The following DAB1 variants were observed in gnomAD, a reference collection of about 807,000 sequenced individuals.
DAB1 encodes DAB adaptor protein 1, also known as disabled homolog 1.
In DAB1, 15 loss-of-function variants were observed where a neutral mutation model predicts 64.6. The ratio of observed to expected loss-of-function variants is 0.23; its 90% CI spans 0.16 to 0.36. The LOEUF (loss-of-function observed/expected upper bound fraction) is 0.36, where lower values mean the gene tolerates loss of function less well. Among genes scored for constraint, DAB1 ranks in the 10% least tolerant of loss-of-function variants. The pLI is 1.00. For synonymous variants in DAB1, 235 were observed against 251.9 expected (o/e 0.93, Z 0.64); for missense variants, 596 against 706.7 (o/e 0.84, Z 1.78).
chr1:57,165,250 G>T (rs11206985), intron 2 of DAB1, among the ~76,000 whole-genome samples: 9,669 of 149,228 alleles, frequency 0.065, 853 homozygotes, highest in African/African-American at 0.2. Context: ...GAAAAAATAG[G>T]TTTTTTTTTT....
intron 4 of DAB1, among the ~76,000 whole-genome samples, chr1:57,102,157 C>T (rs1416625684): frequency 1.3e-5 from 2 of 152,178 alleles, no homozygotes; most frequent in African/African-American, 4.8e-5. Flanking sequence ...TAAAGGTCCC[C>T]GGAGGGTCTT....
At position 57,202,994 on chromosome 1, in the gene DAB1, T is replaced by C. The variant is rs529668913; in HGVS notation, c.68-57565A>G. 3.9e-5 allele frequency among the ~76,000 whole-genome samples: 6 copies of C among 152,328 alleles called. No individual in the cohort carries two copies. The South Asian group carries it at 1.2e-3, about 32-fold the overall frequency. ...GTCACTTCAGATAAATGCATGTTAG[T>C]AACTCCTGAAAGGGGGTTTAAGTTG... is the stretch of plus-strand genomic sequence containing the variant. On this transcript the variant is annotated intron_variant, in intron 2 of 14. Transcript: ENST00000371236.
chr1:58,007,596 C>T (rs140281024), intron 5 of DAB1, among the ~76,000 whole-genome samples: 121 of 152,268 alleles, frequency 7.9e-4, no homozygotes, highest in African/African-American at 2.7e-3. Flanking sequence ...TTGGCATCAT[C>T]CTTCCAGGAG....
intron 7 of DAB1, among the ~76,000 whole-genome samples, chr1:57,485,734 C>T (rs1322527757): frequency 6.6e-6 from 1 of 152,182 alleles, no homozygotes. Flanking sequence ...GGTAGGGTAA[C>T]TGTGATGATG....
chr1:57,732,821 T>C (rs890992919), intron 6 of DAB1, among the ~76,000 whole-genome samples: 9 of 152,166 alleles, frequency 5.9e-5, no homozygotes, highest in African/African-American at 2.2e-4. Context: ...ATTACAATAA[T>C]GACAGATCTC....
At chr1:57,502,897 T>C (rs1235310360) in intron 7 of DAB1, among the ~76,000 whole-genome samples, 10 of 152,310 alleles carry the variant, frequency 6.6e-5, no homozygotes, top group East Asian at 3.9e-4. Flanking sequence ...CCCTGGAAAT[T>C]TGAAACCAGT....
intron 6 of DAB1, among the ~76,000 whole-genome samples, chr1:57,756,975 G>A (rs1648839963): frequency 6.6e-6 from 1 of 152,090 alleles, no homozygotes. Context: ...GAAGCCTGTT[G>A]CAATAGCACA....
At chr1:57,301,755 G>T (rs76166079) in intron 1 of DAB1, among the ~76,000 whole-genome samples, 2,166 of 152,208 alleles carry the variant, frequency 0.014, 57 homozygotes, top group African/African-American at 0.049. Context: ...TGCAACAGAT[G>T]ACCCCAAGCT....
intron 5 of DAB1, among the ~76,000 whole-genome samples, chr1:58,008,384 A>T (rs1333420692): frequency 6.6e-6 from 1 of 152,180 alleles, no homozygotes; most frequent in African/African-American, 2.4e-5. Context: ...GAAAACTTAG[A>T]GGAAAGCGAG....
intron 5 of DAB1, among the ~76,000 whole-genome samples, chr1:57,983,748 T>C (rs1038364746): frequency 6.6e-6 from 1 of 152,194 alleles, no homozygotes; most frequent in African/African-American, 2.4e-5. Context: ...ATTTTCTTTC[T>C]AAAATCTCCT....
chr1:58,213,897 T>C (rs776380340), intron 4 of DAB1, among the ~76,000 whole-genome samples: 3 of 152,296 alleles, frequency 2.0e-5, no homozygotes, highest in Non-Finnish European at 4.4e-5. Flanking sequence ...CTCTGTTTCT[T>C]TGCCATAACC....
chr1:58,073,968 G>A (rs1413648599), intron 5 of DAB1, among the ~76,000 whole-genome samples: 1 of 152,162 alleles, frequency 6.6e-6, no homozygotes, highest in Non-Finnish European at 1.5e-5. Flanking sequence ...ATGACTCCAC[G>A]AAAAGTAGAT....
intron 5 of DAB1, among the ~76,000 whole-genome samples, chr1:58,147,970 T>C (rs1654703133): frequency 1.7e-5 from 2 of 116,704 alleles, no homozygotes; most frequent in South Asian, 2.9e-4. Flanking sequence ...TACCAAGACA[T>C]ACTATAGCTG....
chr1:57,083,111 G>T (rs965447535), intron 4 of DAB1, among the ~76,000 whole-genome samples: 1 of 152,078 alleles, frequency 6.6e-6, no homozygotes, highest in Non-Finnish European at 1.5e-5. Context: ...ATTGTGCTAC[G>T]TACTCTACGT....
intron 5 of DAB1, among the ~76,000 whole-genome samples, chr1:58,027,952 T>TATAA (rs1646917938): frequency 6.6e-6 from 1 of 152,202 alleles, no homozygotes; most frequent in African/African-American, 2.4e-5. Context: ...CTGCTGGGTT[T>TATAA]AGATTCACAC....
At chr1:57,841,952 G>T (rs1214469853) in intron 1 of DAB1, among the ~76,000 whole-genome samples, 1 of 152,130 alleles carries the variant, frequency 6.6e-6, no homozygotes, top group Non-Finnish European at 1.5e-5. Context: ...CTTTTCTACT[G>T]CATGGTCAGG....
intron 1 of DAB1, among the ~76,000 whole-genome samples, chr1:57,397,614 C>T (rs1682918414): frequency 6.6e-6 from 1 of 152,170 alleles, no homozygotes; most frequent in African/African-American, 2.4e-5. Flanking sequence ...GCAGATGTGT[C>T]CCTACACAGC....
At chr1:57,869,834 C>T (rs969937076) in intron 1 of DAB1, among the ~76,000 whole-genome samples, 7 of 152,156 alleles carry the variant, frequency 4.6e-5, no homozygotes, top group African/African-American at 1.7e-4. Context: ...TATATTTACA[C>T]ATCTGATTTG....
chr1:57,455,880 G>C (rs927613913), intron 7 of DAB1, among the ~76,000 whole-genome samples: 6 of 152,074 alleles, frequency 3.9e-5, no homozygotes, highest in African/African-American at 1.4e-4. Flanking sequence ...TTCTAGTCAG[G>C]GATTTCTTGC....
Sources: allele counts gnomAD v4.1 joint callset (sites outside exome capture counted in the v4.1 genomes callset), GRCh38; gene constraint gnomAD v4.1.1; transcripts MANE v1.5; gene names NCBI Gene and HGNC (gene_info 2026-07-23, HGNC 2026-07-21).